MAPRE2: variants seen among roughly 807,000 people sequenced by gnomAD.
MAPRE2 encodes the protein microtubule associated protein RP/EB family member 2.
In MAPRE2, 13 loss-of-function variants were observed where a neutral mutation model predicts 43.2. That is an observed-to-expected ratio of 0.30 (90% CI 0.20 to 0.48). The LOEUF is 0.48. Among genes scored for constraint, MAPRE2 ranks in the 20% least tolerant of loss-of-function variants. The probability of loss-of-function intolerance (pLI) is 0.99; values close to 1 mark genes in which losing one functional copy is unlikely to be tolerated. For synonymous variants in MAPRE2, 135 were observed against 148.8 expected (o/e 0.91, Z 0.68); for missense variants, 161 against 400.2 (o/e 0.40, Z 5.10).
At chr18:35,118,503 C>T (rs1413329605) in intron 4 of MAPRE2, among the ~76,000 whole-genome samples, 1 of 152,164 alleles carries the variant, frequency 6.6e-6, no homozygotes, top group African/African-American at 2.4e-5. Context: ...GTTTCCTAAA[C>T]TATAGCATTG....
At chr18:35,120,545 T>C (rs997214105) in intron 4 of MAPRE2, among the ~76,000 whole-genome samples, 53 of 152,160 alleles carry the variant, frequency 3.5e-4, no homozygotes, top group African/African-American at 1.3e-3. Flanking sequence ...GGAGGCAGTT[T>C]TGAAGGAAAG....
intron 1 of MAPRE2, among the ~76,000 whole-genome samples, chr18:34,990,574 T>A (rs2097023249): frequency 6.6e-6 from 1 of 152,188 alleles, no homozygotes; most frequent in Admixed American, 6.5e-5. Flanking sequence ...GTGACTTTTT[T>A]CTCCAATCCT....
rs566850381 is a variant in MAPRE2, at chr18:35,010,303, G to T, written c.-8+4750G>T. Among the ~76,000 whole-genome samples the T allele has an allele frequency of 9.2e-5, 14 of 152,278 alleles. No individual in the cohort carries two copies. The South Asian group carries it at 2.7e-3, about 29-fold the overall frequency. Reference sequence around the variant, plus strand: ...TGTCTGTAGTTGCAGCTATTCAGGAGGCTGAAGCAGGCAGATCCCTTGAAT... The same window carrying T: ...TGTCTGTAGTTGCAGCTATTCAGGATGCTGAAGCAGGCAGATCCCTTGAAT... On this transcript the variant is annotated intron_variant, in intron 2 of 7. Transcript: ENST00000413393.
At chr18:35,135,001 G>A (rs1193731761) in intron 6 of MAPRE2, among the ~76,000 whole-genome samples, 1 of 152,178 alleles carries the variant, frequency 6.6e-6, no homozygotes, top group Non-Finnish European at 1.5e-5. Context: ...GAATTACTCA[G>A]AGTAACCAGG....
intron 2 of MAPRE2, among the ~76,000 whole-genome samples, chr18:35,085,123 G>A (rs1435271024): frequency 6.6e-6 from 1 of 152,182 alleles, no homozygotes; most frequent in Non-Finnish European, 1.5e-5. Context: ...ATATTTCAAA[G>A]CATTATTTCA....
intron 1 of MAPRE2, among the ~76,000 whole-genome samples, chr18:34,999,706 T>G (rs1184536236): frequency 7.9e-5 from 12 of 152,228 alleles, no homozygotes; most frequent in Non-Finnish European, 2.9e-5. Context: ...TTTGGTAGTT[T>G]GTCTTTCTGA....
rs938993186 is a variant in MAPRE2, at chr18:35,041,486, C to G, written c.-54C>G. The G allele has an allele frequency of 6.2e-7, 1 of 1,613,234 alleles. No individual in the cohort carries two copies. Among genetic ancestry groups the G allele is most frequent in the Non-Finnish European group, 8.5e-7 (1 of 1,179,608 alleles). ...GCGAGCGAGCGGGAAGACGCAGCCACCTTCCTCACCAGCCAGCCCACAGCG... is the reference window on the plus strand; with the variant it reads ...GCGAGCGAGCGGGAAGACGCAGCCAGCTTCCTCACCAGCCAGCCCACAGCG... On this transcript the variant is annotated 5_prime_UTR_variant, in exon 1 of 7. Transcript: ENST00000300249.
chr18:35,137,638 G>C (rs954084496), intron 6 of MAPRE2, among the ~76,000 whole-genome samples: 2 of 152,206 alleles, frequency 1.3e-5, no homozygotes, highest in African/African-American at 4.8e-5. Flanking sequence ...CAATATGGAA[G>C]ACACCACACT....
chr18:35,012,160 G>A (rs1047406976), intron 2 of MAPRE2, among the ~76,000 whole-genome samples: 3 of 152,130 alleles, frequency 2.0e-5, no homozygotes, highest in Admixed American at 6.5e-5. Context: ...GTAAACGTGA[G>A]GACAAGAATC....
intron 4 of MAPRE2, among the ~76,000 whole-genome samples, chr18:35,119,405 A>G (rs1909570028): frequency 1.3e-5 from 2 of 152,166 alleles, no homozygotes; most frequent in South Asian, 4.1e-4. Context: ...CTTATTTTCT[A>G]GTTTATTCTA....
intron 2 of MAPRE2, among the ~76,000 whole-genome samples, chr18:35,085,632 G>A (rs1907840078): frequency 6.6e-6 from 1 of 152,174 alleles, no homozygotes; most frequent in Non-Finnish European, 1.5e-5. Flanking sequence ...ATGGCTAGAA[G>A]CAAGAGCACT....
At chr18:35,058,401 C>T (rs1355526945) in intron 1 of MAPRE2, among the ~76,000 whole-genome samples, 2 of 152,030 alleles carry the variant, frequency 1.3e-5, no homozygotes, top group Non-Finnish European at 2.9e-5. Flanking sequence ...TACTGAGAGG[C>T]TTGTCTATTT....
intron 1 of MAPRE2, among the ~76,000 whole-genome samples, chr18:35,047,501 G>A (rs1905690059): frequency 6.6e-6 from 1 of 151,988 alleles, no homozygotes; most frequent in African/African-American, 2.4e-5. Context: ...TAGATTGAGA[G>A]AATTCTCTCA....
chr18:35,041,431 C>T lies in MAPRE2; in HGVS notation c.-109C>T, dbSNP rs1905354758. 1.3e-6 allele frequency: 2 copies of T among 1,574,708 alleles called. No individual in the cohort carries two copies. The highest frequency in any genetic ancestry group is 1.1e-5 in the South Asian group (1 of 88,022). ...GAGCTGGGAGAAGGCAGTGAGCGAGCAGGCGGCAGGCACGGTCCGTGCGGA... is the reference window on the plus strand; with the variant it reads ...GAGCTGGGAGAAGGCAGTGAGCGAGTAGGCGGCAGGCACGGTCCGTGCGGA... On this transcript the variant is annotated 5_prime_UTR_variant, in exon 1 of 7. Coordinates refer to ENST00000300249, the MANE Select transcript of MAPRE2 (RefSeq NM_014268.4).
At chr18:35,011,398 A>G (rs2097034579) in intron 2 of MAPRE2, among the ~76,000 whole-genome samples, 1 of 152,242 alleles carries the variant, frequency 6.6e-6, no homozygotes, top group African/African-American at 2.4e-5. Flanking sequence ...AGCATTTGGC[A>G]TATTAATGAA....
chr18:35,097,423 G>T (rs747641780), intron 2 of MAPRE2, 23 bp from the exon 3 acceptor site: 4 of 1,611,416 alleles, frequency 2.5e-6, no homozygotes, highest in South Asian at 2.2e-5. Flanking sequence ...ACTCACTCCA[G>T]TACTGTTCTT....
At chr18:35,040,780 C>CT (rs555961760), upstream of MAPRE2, among the ~76,000 whole-genome samples, 9 of 152,108 alleles carry the variant, frequency 5.9e-5, no homozygotes, top group South Asian at 6.2e-4. Flanking sequence ...TTGGGGATTC[C>CT]TTTGTACAGA....
chr18:35,055,535 C>CTGTGTG (rs1321118157), intron 1 of MAPRE2, among the ~76,000 whole-genome samples: 7 of 60,226 alleles, frequency 1.2e-4, no homozygotes, highest in African/African-American at 5.7e-4. Context: ...CTATTCAGTT[C>CTGTGTG]TCTGTGTGTG....
Position 35,044,582 on chromosome 18 carries a change from G to A in MAPRE2, c.122+2921G>A, listed in dbSNP as rs147535632. 5.9e-5 allele frequency among the ~76,000 whole-genome samples: 9 copies of A among 152,280 alleles called. No homozygotes were observed. In the East Asian group the frequency reaches 7.7e-4, roughly 13 times the overall value. The stretch of plus-strand genomic sequence containing the variant: ...TTGTATATAAAAATATCTAGCCCCC[G>A]TTGTTAGAGAGATATTGTGAGGCTA... On this transcript the variant is annotated intron_variant, in intron 1 of 6. Transcript: ENST00000300249.
Sources: gnomAD v4.1 joint callset for allele counts (sites outside exome capture counted in the v4.1 genomes callset) on GRCh38, gnomAD v4.1.1 for gene constraint, MANE v1.5 for transcripts, NCBI Gene and HGNC (gene_info 2026-07-23, HGNC 2026-07-21) for gene names.